YJU2B: variants seen among roughly 807,000 people sequenced by gnomAD.
YJU2B encodes the protein YJU2 splicing factor homolog B.
Under a neutral mutation model 38.0 loss-of-function variants are expected in YJU2B, and 18 were observed. That is an observed-to-expected ratio of 0.47 (90% CI 0.33 to 0.70). The LOEUF (loss-of-function observed/expected upper bound fraction) is 0.70, where lower values mean the gene tolerates loss of function less well. Ranked by LOEUF, YJU2B falls within the 30% of genes least tolerant of loss-of-function variation. The pLI, the probability that YJU2B is intolerant of heterozygous loss-of-function variation, is 0.02. For synonymous variants in YJU2B, 246 were observed against 225.4 expected (o/e 1.09, Z -0.82); for missense variants, 538 against 556.3 (o/e 0.97, Z 0.33).
intron 8 of YJU2B, 31 bp downstream of exon 8, chr19:13,759,303 G>A (rs1422273618): frequency 1.3e-6 from 2 of 1,566,778 alleles, no homozygotes; most frequent in Non-Finnish European, 1.7e-6. Flanking sequence ...GGGTCAGAGA[G>A]GATGCATGGT....
intron 2 of YJU2B, among the ~76,000 whole-genome samples, chr19:13,737,292 C>G (rs1045446177): frequency 6.6e-6 from 1 of 152,120 alleles, no homozygotes; most frequent in Non-Finnish European, 1.5e-5. Context: ...CCCAAAAATG[C>G]TGGGATTACA....
chr19:13,753,726 C>T (rs1041224794), intron 2 of YJU2B, among the ~76,000 whole-genome samples: 7 of 152,050 alleles, frequency 4.6e-5, no homozygotes, highest in Non-Finnish European at 7.3e-5. Context: ...TCCTTCTTCA[C>T]GTGGCAGCAG....
chr19:13,759,275 G>A lies in YJU2B; in HGVS notation c.573+3G>A, dbSNP rs374575148. ...GCATGCTGCGGAGAAGGTTCCGGGT[G>A]AGGGGGGCTCCAGCCCGGGGTCAGA... On this transcript the variant is annotated splice_donor_region_variant and intron_variant, in intron 8 of 9. Transcript: ENST00000221554. 115 of 1,599,052 alleles carry A rather than the reference G, an allele frequency of 7.2e-5. No individual in the cohort carries two copies. Among genetic ancestry groups the A allele is most frequent in the Non-Finnish European group, 9.3e-5 (109 of 1,171,928 alleles).
At chr19:13,745,698 T>TAG (rs368183752), upstream of YJU2B, among the ~76,000 whole-genome samples, 27,200 of 125,500 alleles carry the variant, frequency 0.22, 3,389 homozygotes, top group African/African-American at 0.27. Flanking sequence ...TAGATATAGA[T>TAG]ATATAGATAT....
intron 2 of YJU2B, chr19:13,732,532 A>T (rs947611609): frequency 2.7e-5 from 4 of 150,740 alleles, no homozygotes; most frequent in African/African-American, 9.7e-5. Context: ...GCTTTAGCCC[A>T]GGAGTGCCAA....
chr19:13,754,234 C>A (rs1973579099), intron 2 of YJU2B, 55 bp from the exon 3 acceptor site: 3 of 1,441,778 alleles, frequency 2.1e-6, no homozygotes, highest in Admixed American at 3.4e-5. Context: ...TGGGTAGGGA[C>A]ACAGCCAAAC....
chr19:13,758,756 A>G lies in YJU2B; in HGVS notation c.258-112A>G, dbSNP rs114613353. On this transcript the variant is annotated intron_variant, in intron 6 of 9. Coordinates refer to ENST00000221554, the MANE Select transcript of YJU2B (RefSeq NM_030818.4). ...TCTACACGGCACACAGTGGGTGCTC[A>G]GTGAATTTTTGTCAAATGACACCAT... 5.8e-4 allele frequency: 754 copies of G among 1,290,138 alleles called. 4 individuals are homozygous for G. In the African/African-American group the frequency reaches 9.1e-3, roughly 16 times the overall value. The allele number at this position is 1,290,138 out of a possible 1,614,324, so 79.9% of individuals were successfully genotyped here.
chr19:13,737,122 G>A (rs555617514), intron 2 of YJU2B, among the ~76,000 whole-genome samples: 2 of 152,070 alleles, frequency 1.3e-5, no homozygotes, highest in African/African-American at 4.8e-5. Context: ...CAAACTCCAG[G>A]GCTCAAGTGA....
chr19:13,753,535 T>A (rs1973548935), intron 2 of YJU2B, among the ~76,000 whole-genome samples: 1 of 141,832 alleles, frequency 7.1e-6, no homozygotes. Flanking sequence ...GATCGCACCA[T>A]TGCACTCCAG....
chr19:13,737,611 C>T (rs1972986092), intron 2 of YJU2B, among the ~76,000 whole-genome samples: 2 of 149,342 alleles, frequency 1.3e-5, no homozygotes, highest in Non-Finnish European at 3.0e-5. Context: ...ATGGCAAAAT[C>T]CCGTCTCTAC....
intron 1 of YJU2B, among the ~76,000 whole-genome samples, chr19:13,749,247 A>C (rs1364817074): frequency 6.6e-6 from 1 of 152,054 alleles, no homozygotes; most frequent in Non-Finnish European, 1.5e-5. Flanking sequence ...CAAGTGATCC[A>C]CCTGCCTCAG....
At chr19:13,757,754 G>GA in intron 5 of YJU2B, 32 bp from the exon 6 acceptor site, 1 of 1,608,876 alleles carries the variant, frequency 6.2e-7, no homozygotes, top group Middle Eastern at 1.7e-4. Flanking sequence ...AGATGGCAAT[G>GA]AAATTACCAC....
intron 8 of YJU2B, chr19:13,761,627 T>C (rs1417626834): frequency 6.6e-6 from 1 of 152,226 alleles, no homozygotes; most frequent in Non-Finnish European, 1.5e-5. Flanking sequence ...ACACCTGTAA[T>C]CCCAGTGCTT....
chr19:13,754,253 C>T, intron 2 of YJU2B, 36 bp from the exon 3 acceptor site: 1 of 1,568,404 alleles, frequency 6.4e-7, no homozygotes, highest in Non-Finnish European at 8.8e-7. Context: ...ACCATATCAG[C>T]CTCTCTCTGA....
rs1555698721 is a variant in YJU2B, at chr19:13,737,038, A to AAAAG, written c.-202+4756_-202+4757insGAAA. The stretch of plus-strand genomic sequence containing the variant: ...CAAGACTCATTCTCAAAAAAAAAAA[A>AAAAG]AAAAGAAAAAAGAGGGTCTCGCTCT... On this transcript the variant is annotated intron_variant, in intron 2 of 10. Coordinates refer to the YJU2B transcript ENST00000586600. Among the ~76,000 whole-genome samples the AAAAG allele has an allele frequency of 6.7e-3, 1,012 of 151,206 alleles. 17 individuals carry two copies. Among genetic ancestry groups the AAAAG allele is most frequent in the African/African-American group, 0.024 (984 of 41,134 alleles).
chr19:13,759,066 C>T (rs1973778898), intron 7 of YJU2B, 34 bp from the exon 8 acceptor site: 6 of 1,612,276 alleles, frequency 3.7e-6, no homozygotes, highest in Non-Finnish European at 5.1e-6. Context: ...TGCGCTGGGG[C>T]CCCCAAAGCC....
intron 3 of YJU2B, among the ~76,000 whole-genome samples, chr19:13,755,364 G>A (rs953388424): frequency 3.3e-5 from 5 of 151,004 alleles, no homozygotes; most frequent in African/African-American, 1.2e-4. Flanking sequence ...GGGAGACTGA[G>A]ACAGGAGAAT....
intron 1 of YJU2B, among the ~76,000 whole-genome samples, chr19:13,748,598 C>T (rs1404214484): frequency 6.6e-6 from 1 of 152,142 alleles, no homozygotes; most frequent in Non-Finnish European, 1.5e-5. Context: ...CTCCTGTAAA[C>T]GGAGTATTTG....
At chr19:13,755,648 C>G (rs1343732515) in intron 3 of YJU2B, among the ~76,000 whole-genome samples, 1 of 151,928 alleles carries the variant, frequency 6.6e-6, no homozygotes, top group Admixed American at 6.6e-5. Context: ...GGTCCCCTGG[C>G]TCTTTCAGCT....
Sources: allele counts gnomAD v4.1 joint callset (sites outside exome capture counted in the v4.1 genomes callset), GRCh38; gene constraint gnomAD v4.1.1; transcripts MANE v1.5; gene names NCBI Gene and HGNC (gene_info 2026-07-23, HGNC 2026-07-21).